Variants in CSNK2A1 observed in about 807,000 individuals in gnomAD.
The protein encoded by CSNK2A1 is casein kinase 2 alpha 1, also known as casein kinase II subunit alpha.
A neutral mutation model predicts 62.9 loss-of-function variants in CSNK2A1; 10 were observed. That is an observed-to-expected ratio of 0.16 (90% CI 0.10 to 0.27). CSNK2A1 has a LOEUF of 0.27. Ranked by LOEUF, CSNK2A1 falls within the 10% of genes least tolerant of loss-of-function variation. The probability of loss-of-function intolerance (pLI) is 1.00; values close to 1 mark genes in which losing one functional copy is unlikely to be tolerated. For missense variants in CSNK2A1, 160 were observed against 492.0 expected (o/e 0.33, Z 6.38); for synonymous variants, 124 against 167.8 (o/e 0.74, Z 2.02).
At chr20:526,397 G>C (rs1166259719) in intron 2 of CSNK2A1, among the ~76,000 whole-genome samples, 1 of 152,040 alleles carries the variant, frequency 6.6e-6, no homozygotes, top group African/African-American at 2.4e-5. Context: ...GACTGCTTGA[G>C]CCCAGGAGTT....
chr20:514,953 G>A (rs1419518799), intron 2 of CSNK2A1, among the ~76,000 whole-genome samples: 1 of 152,184 alleles, frequency 6.6e-6, no homozygotes, highest in Non-Finnish European at 1.5e-5. Flanking sequence ...AGGAATATAA[G>A]TGAGCAAGGC....
chr20:492,177 T>C (rs2018249645), intron 9 of CSNK2A1, 77 bp downstream of exon 9: 2 of 1,309,516 alleles, frequency 1.5e-6, no homozygotes, highest in Non-Finnish European at 1.1e-6. Context: ...ATGCACAAAA[T>C]GATACTTTTT....
At chr20:535,355 T>C (rs946658992) in intron 1 of CSNK2A1, among the ~76,000 whole-genome samples, 3 of 152,232 alleles carry the variant, frequency 2.0e-5, no homozygotes, top group African/African-American at 7.2e-5. Context: ...GCAAAATACA[T>C]GCTTGAATAC....
chr20:542,711 G>C (rs1178253185), intron 1 of CSNK2A1, among the ~76,000 whole-genome samples: 1 of 152,230 alleles, frequency 6.6e-6, no homozygotes, highest in Non-Finnish European at 1.5e-5. Context: ...GATTACAGGC[G>C]TGAGCCACAC....
Position 497,587 on chromosome 20 carries a change from T to C in CSNK2A1, c.426+134A>G, listed in dbSNP as rs1454136424. On this transcript the variant is annotated intron_variant, in intron 7 of 13. Transcript: ENST00000217244. ...TTACAGGTATGATACTATTAACTTA[T>C]TAAAAACTTATATAGAGGTCCCTTC... 4 of 684,514 alleles carry C rather than the reference T, an allele frequency of 5.8e-6. No individual in the cohort carries two copies. In the East Asian group the frequency reaches 9.1e-5, roughly 16 times the overall value. 42.4% of individuals were successfully genotyped at this position (684,514 alleles called of 1,614,324 possible). A position where few individuals can be genotyped will look rare whatever the true frequency, so the allele number is the denominator to read the frequency against.
chr20:508,857 A>T (rs1240793695), intron 2 of CSNK2A1, among the ~76,000 whole-genome samples, 197 bp from the exon 3 acceptor site: 1 of 152,184 alleles, frequency 6.6e-6, no homozygotes, highest in Non-Finnish European at 1.5e-5. Context: ...GTAAACTGAT[A>T]TTTGCTTTAA....
intron 9 of CSNK2A1, 81 bp from the exon 10 acceptor site, chr20:489,962 TAAA>T: frequency 9.8e-7 from 1 of 1,019,112 alleles, no homozygotes; most frequent in South Asian, 2.7e-5. Flanking sequence ...TTTTTAAAAT[TAAA>T]AAAAAATCAC....
intron 11 of CSNK2A1, 34 bp downstream of exon 11, chr20:488,644 G>A: frequency 2.5e-6 from 4 of 1,599,560 alleles, no homozygotes; most frequent in Non-Finnish European, 3.4e-6. Flanking sequence ...AAGTGCTTAA[G>A]CCACAGATGC....
At chr20:515,913 T>C (rs148966756) in intron 2 of CSNK2A1, among the ~76,000 whole-genome samples, 408 of 152,262 alleles carry the variant, frequency 2.7e-3, no homozygotes, top group African/African-American at 9.1e-3. Context: ...GGTTCTTGAG[T>C]AATTGTTCCC....
chr20:535,697 G>A (rs191882214), intron 1 of CSNK2A1, among the ~76,000 whole-genome samples: 13 of 143,972 alleles, frequency 9.0e-5, no homozygotes, highest in South Asian at 2.2e-4. Context: ...CAGAGATTGC[G>A]CCACTGCACT....
intron 2 of CSNK2A1, among the ~76,000 whole-genome samples, chr20:525,614 G>C (rs911988026): frequency 7.0e-6 from 1 of 142,010 alleles, no homozygotes; most frequent in Admixed American, 7.3e-5. Flanking sequence ...TCGTGCCACT[G>C]CACTCCAGCC....
rs537644286 is a variant in CSNK2A1, at chr20:489,945, AAATT to A, written c.622-68_622-65del. ...CTCAGGCTTGTCACTTCAAAATAAAAAATTAATTTTTAAAATTAAAAAAAAATCA... is the reference window on the plus strand; with the variant it reads ...CTCAGGCTTGTCACTTCAAAATAAAAAATTTTTAAAATTAAAAAAAAATCA... On this transcript the variant is annotated intron_variant, in intron 9 of 13. Coordinates refer to ENST00000217244, the MANE Select transcript of CSNK2A1 (RefSeq NM_177559.3). 1.7e-3 allele frequency: 2,241 copies of A among 1,311,454 alleles called. 11 individuals are homozygous for A. The African/African-American group carries it at 0.02, about 12-fold the overall frequency. The allele number at this position is 1,311,454 out of a possible 1,614,324, so 81.2% of individuals were successfully genotyped here.
At chr20:492,455 C>A in intron 8 of CSNK2A1, 91 bp from the exon 9 acceptor site, 1 of 1,272,802 alleles carries the variant, frequency 7.9e-7, no homozygotes. Flanking sequence ...ATACCAGACA[C>A]GTCACTCTTT....
chr20:514,209 T>G (rs899134582), intron 2 of CSNK2A1, among the ~76,000 whole-genome samples: 2 of 151,622 alleles, frequency 1.3e-5, no homozygotes, highest in Non-Finnish European at 2.9e-5. Context: ...CTGGGTGTAG[T>G]GGAGTACAAC....
At chr20:515,646 C>G (rs1392402968) in intron 2 of CSNK2A1, among the ~76,000 whole-genome samples, 1 of 152,164 alleles carries the variant, frequency 6.6e-6, no homozygotes, top group African/African-American at 2.4e-5. Flanking sequence ...CACCAGTCTT[C>G]AAATCTTAAT....
intron 2 of CSNK2A1, among the ~76,000 whole-genome samples, chr20:525,930 A>G (rs2019078623): frequency 6.7e-6 from 1 of 148,600 alleles, no homozygotes; most frequent in Non-Finnish European, 1.5e-5. Flanking sequence ...ACTTGAGCCT[A>G]GGAGGTGGAG....
chr20:541,280 T>C (rs918223389), intron 1 of CSNK2A1, among the ~76,000 whole-genome samples: 8 of 152,144 alleles, frequency 5.3e-5, no homozygotes, highest in African/African-American at 1.9e-4. Flanking sequence ...TAATTACACC[T>C]GCCAAGTTCC....
chr20:541,607 TA>T (rs1358744542), intron 1 of CSNK2A1, among the ~76,000 whole-genome samples: 1 of 152,164 alleles, frequency 6.6e-6, no homozygotes, highest in Non-Finnish European at 1.5e-5. Flanking sequence ...GGACGCGCAG[TA>T]TGGAAAAGGA....
chr20:533,753 G>A (rs1266617076), intron 1 of CSNK2A1, among the ~76,000 whole-genome samples: 4 of 152,216 alleles, frequency 2.6e-5, no homozygotes, highest in Non-Finnish European at 5.9e-5. Context: ...ACCCAGAAAA[G>A]GGATCTGAGT....
Sources: allele counts gnomAD v4.1 joint callset (sites outside exome capture counted in the v4.1 genomes callset), GRCh38; gene constraint gnomAD v4.1.1; transcripts MANE v1.5; gene names NCBI Gene and HGNC (gene_info 2026-07-23, HGNC 2026-07-21).